Variants in GEMIN5 observed in about 807,000 individuals in gnomAD.
The protein encoded by GEMIN5 is gem nuclear organelle associated protein 5, also known as gem-associated protein 5.
In GEMIN5, 124 loss-of-function variants were observed where a neutral mutation model predicts 176.9. The ratio of observed to expected loss-of-function variants is 0.70; its 90% CI spans 0.61 to 0.81. The LOEUF (loss-of-function observed/expected upper bound fraction) is 0.81. Among genes scored for constraint, GEMIN5 ranks in the 40% least tolerant of loss-of-function variants. The pLI, the probability that GEMIN5 is intolerant of heterozygous loss-of-function variation, is 0.00. For synonymous variants in GEMIN5, 673 were observed against 665.2 expected (o/e 1.01, Z -0.18); for missense variants, 1,843 against 1,814.6 (o/e 1.02, Z -0.28).
At position 154,899,233 on chromosome 5, in the gene GEMIN5, G is replaced by A. The variant is rs988141800; in HGVS notation, c.3092C>T (p.Thr1031Ile). 3.1e-6 allele frequency: 5 copies of A among 1,613,374 alleles called. No homozygotes were observed. Among genetic ancestry groups the A allele is most frequent in the Non-Finnish European group, 3.4e-6 (4 of 1,179,626 alleles). ...ATAGTGGCCATCTCTTTCTAGGACG[G>A]TTCCCCAGCTGAGGTACAAGTCCTT... ...VLKDLYLSWG[T>I]VLERDGHYAV... The change falls in exon 22 of 28, where the codon ACC becomes ATC. Residue 1031 changes from threonine (T) to isoleucine (I), a missense_variant. By Grantham distance (89) the Thr-to-Ile change is moderately conservative. Transcript: ENST00000285873.
rs552511331 is a variant in GEMIN5 at position 154,923,203 on chromosome 5, CCT to C, written c.1379+1264_1379+1265del. Among the ~76,000 whole-genome samples, 50 of 152,008 alleles carry C rather than the reference CCT, an allele frequency of 3.3e-4. 1 individual carries two copies. The East Asian group carries it at 9.5e-3, about 29-fold the overall frequency. Reference sequence around the variant, plus strand: ...ACCAGCCTGACCAACACGGAGAAACCCTGTCTGTCTCTACTAAAGATACAAAA... The same window carrying C: ...ACCAGCCTGACCAACACGGAGAAACCGTCTGTCTCTACTAAAGATACAAAA... On this transcript the variant is annotated intron_variant, in intron 9 of 27. Coordinates refer to ENST00000285873, the MANE Select transcript of GEMIN5 (RefSeq NM_015465.5).
chr5:154,922,415 C>T (rs1400828417), intron 9 of GEMIN5, among the ~76,000 whole-genome samples: 1 of 152,056 alleles, frequency 6.6e-6, no homozygotes, highest in Non-Finnish European at 1.5e-5. Flanking sequence ...GATCTGCCCG[C>T]GTCGGCCTCC....
rs566987979 is a variant in GEMIN5 at position 154,894,837 on chromosome 5, G to A, written c.3597+1255C>T. ...CAAGAGAATTGCTTGAACCTGGGAG[G>A]CGGAGATTGCAGTGAGCCAAGATCA... On this transcript the variant is annotated intron_variant, in intron 24 of 27. Coordinates refer to ENST00000285873, the MANE Select transcript of GEMIN5 (RefSeq NM_015465.5). Among the ~76,000 whole-genome samples the A allele has an allele frequency of 5.3e-5, 8 of 152,204 alleles. No homozygotes were observed. The East Asian group carries it at 1.5e-3, about 29-fold the overall frequency.
At chr5:154,933,883 CCTA>C (rs1422062989) in intron 3 of GEMIN5, among the ~76,000 whole-genome samples, 4 of 152,108 alleles carry the variant, frequency 2.6e-5, no homozygotes, top group Non-Finnish European at 5.9e-5. Flanking sequence ...CTCTATCAAC[CCTA>C]CTACAACACT....
intron 12 of GEMIN5, among the ~76,000 whole-genome samples, chr5:154,917,436 T>C (rs558412308): frequency 6.6e-6 from 1 of 152,332 alleles, no homozygotes; most frequent in Admixed American, 6.5e-5. Context: ...TTAGAAATTT[T>C]AACTTTCCAC....
intron 9 of GEMIN5, among the ~76,000 whole-genome samples, chr5:154,923,107 C>T (rs753639063): frequency 6.6e-6 from 1 of 151,716 alleles, no homozygotes; most frequent in African/African-American, 2.4e-5. Flanking sequence ...TGGCCGGGCA[C>T]GGTAGCTAAC....
intron 12 of GEMIN5, 41 bp downstream of exon 12, chr5:154,917,890 T>C (rs1165940300): frequency 8.0e-7 from 1 of 1,252,368 alleles, no homozygotes; most frequent in Non-Finnish European, 1.2e-6. Context: ...CAAATATATG[T>C]GCGATTGCAA....
chr5:154,913,153 T>C (rs957435026), intron 13 of GEMIN5, 115 bp from the exon 14 acceptor site: 5 of 898,340 alleles, frequency 5.6e-6, no homozygotes, highest in African/African-American at 1.7e-5. Flanking sequence ...ATACACTTTC[T>C]AGGTTATTTT....
Position 154,927,380 on chromosome 5 carries a change from C to T in GEMIN5, c.1080+5G>A. 1 of 1,558,418 alleles carries T rather than the reference C, an allele frequency of 6.4e-7. No homozygotes were observed. On this transcript the variant is annotated splice_donor_5th_base_variant and intron_variant, in intron 7 of 27. Coordinates refer to ENST00000285873, the MANE Select transcript of GEMIN5 (RefSeq NM_015465.5). ...ACAATGCTGAGTGAAAATAAGCATT[C>T]TTACATCTCTATCCATTGATGTAGA...
At position 154,897,903 on chromosome 5, in the gene GEMIN5, TTTTTTTTTGTG is replaced by T. The variant is rs1381215671; in HGVS notation, c.3345+526_3345+536del. ...CCCAAGGCCTGGGCTGACTAAGGTGTTTTTTTTTGTGTTTTTTTTTTTTTTTTTGAGACAGA... is the reference window on the plus strand; with the variant it reads ...CCCAAGGCCTGGGCTGACTAAGGTGTTTTTTTTTTTTTTTTTTGAGACAGA... On this transcript the variant is annotated intron_variant, in intron 23 of 27. Coordinates refer to ENST00000285873, the MANE Select transcript of GEMIN5 (RefSeq NM_015465.5). Among the ~76,000 whole-genome samples, 10 of 121,434 alleles carry T rather than the reference TTTTTTTTTGTG, an allele frequency of 8.2e-5. No individual in the cohort carries two copies. In the East Asian group the frequency reaches 9.4e-4, roughly 11 times the overall value. The allele number at this position is 121,434 out of a possible 152,430, so 79.7% of individuals were successfully genotyped here. A position where few individuals can be genotyped will look rare whatever the true frequency, so the allele number is the denominator to read the frequency against.
chr5:154,936,124 G>A (rs1764263593), intron 2 of GEMIN5, 102 bp from the exon 3 acceptor site: 1 of 753,252 alleles, frequency 1.3e-6, no homozygotes, highest in Admixed American at 2.8e-5. Context: ...CACATTAAAA[G>A]TAATTAATAC....
In GEMIN5 at chr5:154,902,592, G is replaced by C. The variant is rs538234083; in HGVS notation, c.2813C>G (p.Thr938Ser). 3 of 1,614,092 alleles carry C rather than the reference G, an allele frequency of 1.9e-6. No homozygotes were observed. The highest frequency in any genetic ancestry group is 2.5e-6 in the Non-Finnish European group (3 of 1,179,908). Residue 938 changes from threonine to serine, a missense_variant, in exon 20 of 28, where the codon ACT (threonine) becomes AGT (serine). By Grantham distance (58) the Thr-to-Ser change is moderately conservative. Coordinates refer to ENST00000285873, the MANE Select transcript of GEMIN5 (RefSeq NM_015465.5). ...TGTCAGCTCCCCTCTTTCTGCTGCA[G>C]TCTGGAGAACACCTTTGAGATCTCC... ...WKGDLKGVLQTAAERGELTDN... is the reference protein window; with the variant it reads ...WKGDLKGVLQSAAERGELTDN...
At chr5:154,890,866 C>T (rs1258373079) in intron 26 of GEMIN5, among the ~76,000 whole-genome samples, 1 of 152,116 alleles carries the variant, frequency 6.6e-6, no homozygotes, top group Non-Finnish European at 1.5e-5. Context: ...CAGGTTCAAA[C>T]GATTCTCTGG....
In GEMIN5 at chr5:154,928,611, A is replaced by C. The variant is rs1459987776; in HGVS notation, c.830T>G (p.Ile277Arg). ...LPFLKRRGGG[I>R]DPTVKERLWL... is the part of the protein sequence containing the mutation. ...AAGGCGCTCTTTAACAGTTGGGTCT[A>C]TACCCCCTCCTCTTCTCTTCAGAAA... is the stretch of plus-strand genomic sequence containing the variant. Residue 277 changes from isoleucine (I) to arginine (R), a missense_variant, in exon 6 of 28, where the codon ATA (isoleucine) becomes AGA (arginine). Coordinates refer to ENST00000285873, the MANE Select transcript of GEMIN5 (RefSeq NM_015465.5). The C allele has an allele frequency of 1.2e-6, 2 of 1,613,868 alleles. No individual in the cohort carries two copies. Among genetic ancestry groups the C allele is most frequent in the Non-Finnish European group, 1.7e-6 (2 of 1,179,704 alleles).
At chr5:154,889,765 C>G (rs971004327) in intron 26 of GEMIN5, among the ~76,000 whole-genome samples, 1 of 152,168 alleles carries the variant, frequency 6.6e-6, no homozygotes, top group African/African-American at 2.4e-5. Context: ...TAGTATATGT[C>G]TTTTTGTGAC....
chr5:154,930,688 G>A (rs1764142353), intron 5 of GEMIN5, among the ~76,000 whole-genome samples: 1 of 152,180 alleles, frequency 6.6e-6, no homozygotes, highest in Non-Finnish European at 1.5e-5. Flanking sequence ...CAGGGCCTGG[G>A]GGAGGGGGAA....
intron 23 of GEMIN5, 108 bp from the exon 24 acceptor site, chr5:154,896,451 C>T (rs75123260): frequency 8.6e-7 from 1 of 1,164,782 alleles, no homozygotes; most frequent in Non-Finnish European, 1.2e-6. Context: ...TCTGCAGCAA[C>T]CAAAGCACAT....
At chr5:154,907,550 G>A (rs770395468) in intron 16 of GEMIN5, 41 bp downstream of exon 16, 97 of 1,479,522 alleles carry the variant, frequency 6.6e-5, no homozygotes, top group Middle Eastern at 5.1e-4. Flanking sequence ...TCCCAGACAC[G>A]ACCATGAAAT....
Position 154,899,195 on chromosome 5 carries a change from T to G in GEMIN5, c.3130A>C (p.Lys1044Gln), listed in dbSNP as rs1382130394. The change falls in exon 22 of 28, where the codon AAA becomes CAA. Residue 1044 changes from lysine (K) to glutamine (Q), a missense_variant. Physicochemically the swap from Lys to Gln is moderately conservative, Grantham distance 53. Coordinates refer to ENST00000285873, the MANE Select transcript of GEMIN5 (RefSeq NM_015465.5). The part of the protein sequence containing the change: ...ERDGHYAVAA[K>Q]CYLGATCAYD... ...CCCTCCACTCCTCAGGCTTACCATT[T>G]GGCAGCTACAGCATAGTGGCCATCT... 3 of 1,610,392 alleles carry G rather than the reference T, an allele frequency of 1.9e-6. No homozygotes were observed. The highest frequency in any genetic ancestry group is 1.7e-6 in the Non-Finnish European group (2 of 1,178,298).
Sources: allele counts gnomAD v4.1 joint callset (sites outside exome capture counted in the v4.1 genomes callset), GRCh38; gene constraint gnomAD v4.1.1; transcripts MANE v1.5; gene names NCBI Gene and HGNC (gene_info 2026-07-23, HGNC 2026-07-21).